The following ALG13 variants were observed in gnomAD, a reference collection of about 807,000 sequenced individuals.
The protein encoded by ALG13 is ALG13 UDP-N-acetylglucosaminyltransferase subunit.
In ALG13, 11 loss-of-function variants were observed where a neutral mutation model predicts 87.8. The ratio of observed to expected loss-of-function variants is 0.13; its 90% CI spans 0.08 to 0.21. ALG13 has a LOEUF of 0.21. ALG13 is among the 10% of genes least tolerant of loss of function. The pLI, the probability that ALG13 is intolerant of heterozygous loss-of-function variation, is 1.00. For synonymous variants in ALG13, 320 were observed against 306.3 expected (o/e 1.04, Z -0.47); for missense variants, 756 against 866.1 (o/e 0.87, Z 1.60).
chrX:111,737,779 A>C (rs112976963), intron 23 of ALG13, among the ~76,000 whole-genome samples: 20 of 112,586 alleles, frequency 1.8e-4, no homozygotes, highest in Admixed American at 1.9e-4. Context: ...TGGTCTCTCT[A>C]ATACTAGGTG....
intron 4 of ALG13, 42 bp downstream of exon 4, chrX:111,708,435 T>C: frequency 8.5e-7 from 1 of 1,171,078 alleles, no homozygotes; most frequent in Middle Eastern, 2.4e-4. Context: ...GTTTTCAGAG[T>C]TTGAGACATG....
At chrX:111,690,573 T>C (rs1472189439) in intron 3 of ALG13, among the ~76,000 whole-genome samples, 1 of 111,770 alleles carries the variant, frequency 8.9e-6, no homozygotes, top group Non-Finnish European at 1.9e-5. Context: ...CCATCAAGTA[T>C]CTGATTTTGG....
chrX:111,756,264 G>A (rs1460480680), intron 25 of ALG13, among the ~76,000 whole-genome samples: 1 of 111,134 alleles, frequency 9.0e-6, no homozygotes, highest in Non-Finnish European at 1.9e-5. Flanking sequence ...CCTGTCGCGG[G>A]GTTGGGGGCA....
At chrX:111,719,681 T>TGGCA (rs1179698784) in intron 10 of ALG13, among the ~76,000 whole-genome samples, 1 of 112,043 alleles carries the variant, frequency 8.9e-6, no homozygotes, top group African/African-American at 3.3e-5. Context: ...TCATGGTTCT[T>TGGCA]GGCAGCATTC....
chrX:111,720,885 G>A (rs1328783324), intron 11 of ALG13, among the ~76,000 whole-genome samples: 2 of 109,771 alleles, frequency 1.8e-5, no homozygotes, highest in African/African-American at 6.6e-5. Context: ...GTGTTGCATT[G>A]GTTTATATGG....
At chrX:111,710,012 T>C (rs1163904018) in intron 5 of ALG13, among the ~76,000 whole-genome samples, 1 of 108,559 alleles carries the variant, frequency 9.2e-6, no homozygotes, top group Non-Finnish European at 1.9e-5. Flanking sequence ...AGGTCTGAGT[T>C]GGGGCCCGAG....
intron 3 of ALG13, among the ~76,000 whole-genome samples, chrX:111,702,087 A>G (rs1937981556): frequency 8.9e-6 from 1 of 112,062 alleles, no homozygotes; most frequent in Admixed American, 9.4e-5. Flanking sequence ...TTAGCCTAAC[A>G]ATGTGATCTA....
chrX:111,733,982 G>A (rs1329300057), intron 21 of ALG13, among the ~76,000 whole-genome samples: 1 of 111,640 alleles, frequency 9.0e-6, no homozygotes, highest in East Asian at 2.8e-4. Context: ...CATGTCCTTA[G>A]CTCACTTTTT....
At chrX:111,684,521 CTCTA>C (rs936725580) in intron 2 of ALG13, among the ~76,000 whole-genome samples, 1 of 111,014 alleles carries the variant, frequency 9.0e-6, no homozygotes, top group African/African-American at 3.3e-5. Context: ...GACAAGGTCT[CTCTA>C]TGTTGCAGAG....
Position 111,757,721 on chromosome X carries a change from TGAG to T in ALG13, c.3111_3113del (p.Arg1038del). The T allele has an allele frequency of 8.3e-7, 1 of 1,209,433 alleles. No homozygotes were observed. On this transcript the variant is annotated inframe_deletion, in exon 26 of 27. Transcript: ENST00000394780. The stretch of plus-strand genomic sequence containing the variant: ...ACCGTTCCTCAATGCTACAGTGAGG[TGAG>T]GAGAGAAGATGGCATACAGGCGGAA...
intron 15 of ALG13, among the ~76,000 whole-genome samples, chrX:111,725,387 A>T (rs1192128538): frequency 9.0e-6 from 1 of 111,551 alleles, no homozygotes; most frequent in Non-Finnish European, 1.9e-5. Context: ...TGTAAACTTA[A>T]GCACTCATAT....
chrX:111,730,637 T>C, intron 21 of ALG13, 57 bp downstream of exon 21: 1 of 884,276 alleles, frequency 1.1e-6, no homozygotes, highest in Non-Finnish European at 1.6e-6. Context: ...AGGGCACTGT[T>C]AAGAGCTATA....
intron 15 of ALG13, 121 bp from the exon 16 acceptor site, chrX:111,726,688 T>G: frequency 1.0e-5 from 8 of 772,639 alleles, no homozygotes; most frequent in Non-Finnish European, 1.1e-5. Context: ...CCTCCCTATG[T>G]TTATTTGGTT....
At chrX:111,734,634 A>T (rs1943057248) in intron 21 of ALG13, among the ~76,000 whole-genome samples, 1 of 111,914 alleles carries the variant, frequency 8.9e-6, no homozygotes, top group African/African-American at 3.2e-5. Context: ...ATCTTACAAT[A>T]TCTATTAAAT....
chrX:111,749,697 G>A (rs1428214315), intron 24 of ALG13, among the ~76,000 whole-genome samples: 1 of 109,321 alleles, frequency 9.1e-6, no homozygotes, highest in Non-Finnish European at 1.9e-5. Flanking sequence ...TACATCTTCT[G>A]TTAAATGTGT....
At chrX:111,681,593 C>A (rs952643147) in intron 1 of ALG13, 2 of 945,793 alleles carry the variant, frequency 2.1e-6, no homozygotes, top group Non-Finnish European at 1.3e-6. Context: ...TCCGCCTCCG[C>A]GTCCTCCGCC....
chrX:111,737,918 G>A (rs1343556938), intron 23 of ALG13, among the ~76,000 whole-genome samples: 1 of 112,007 alleles, frequency 8.9e-6, no homozygotes, highest in Non-Finnish European at 1.9e-5. Context: ...TGCTAAGAGT[G>A]GAATCTGAAT....
intron 3 of ALG13, among the ~76,000 whole-genome samples, chrX:111,697,018 T>C (rs890566042): frequency 3.2e-4 from 33 of 103,486 alleles, no homozygotes; most frequent in African/African-American, 1.1e-3. Context: ...CAAAGAATGA[T>C]TGCTTGCTGA....
intron 25 of ALG13, chrX:111,753,265 A>G (rs1944919811): frequency 1.8e-5 from 2 of 113,273 alleles, no homozygotes; most frequent in Admixed American, 9.4e-5. Flanking sequence ...GAACAAAGAC[A>G]CAATGTACCA....
Sources: allele counts gnomAD v4.1 joint callset (sites outside exome capture counted in the v4.1 genomes callset), GRCh38; gene constraint gnomAD v4.1.1; transcripts MANE v1.5; gene names NCBI Gene and HGNC (gene_info 2026-07-23, HGNC 2026-07-21).